The following EBF1 variants were observed in gnomAD, a reference collection of about 807,000 sequenced individuals.
The protein encoded by EBF1 is transcription factor COE1.
EBF1 carries 10 observed loss-of-function variants against 68.4 expected under a neutral mutation model. The ratio of observed to expected loss-of-function variants is 0.15; its 90% confidence interval spans 0.09 to 0.25. The LOEUF (loss-of-function observed/expected upper bound fraction) is 0.25. Ranked by LOEUF, EBF1 falls within the 10% of genes least tolerant of loss-of-function variation. EBF1 has a pLI of 1.00. For synonymous variants in EBF1, 298 were observed against 299.8 expected (o/e 0.99, Z 0.06); for missense variants, 509 against 794.4 (o/e 0.64, Z 4.32).
chr5:158,989,973 GA>G (rs1284840119), intron 6 of EBF1, among the ~76,000 whole-genome samples: 6 of 152,114 alleles, frequency 3.9e-5, no homozygotes, highest in African/African-American at 1.4e-4. Flanking sequence ...ATACAAGATG[GA>G]AAATGATGAG....
intron 6 of EBF1, among the ~76,000 whole-genome samples, chr5:159,002,652 T>C (rs1472944929): frequency 6.6e-6 from 1 of 152,356 alleles, no homozygotes; most frequent in South Asian, 2.1e-4. Context: ...AGTTCAAGGC[T>C]GACATAGTTT....
intron 9 of EBF1, among the ~76,000 whole-genome samples, chr5:158,778,557 G>A (rs56286460): frequency 0.095 from 14,467 of 152,116 alleles, 852 homozygotes; most frequent in African/African-American, 0.15. Context: ...AACTTAGAAA[G>A]GGCTCTTATA....
intron 6 of EBF1, among the ~76,000 whole-genome samples, chr5:158,891,347 G>A (rs998717226): frequency 6.6e-6 from 1 of 152,160 alleles, no homozygotes; most frequent in Non-Finnish European, 1.5e-5. Context: ...TGTAACTGTA[G>A]GAAGAAGCTC....
intron 6 of EBF1, among the ~76,000 whole-genome samples, chr5:159,051,457 G>A (rs1167627366): frequency 3.1e-5 from 3 of 97,214 alleles, no homozygotes; most frequent in East Asian, 3.5e-4. Context: ...CCCGCCGCCC[G>A]GCGGCTGACG....
intron 9 of EBF1, among the ~76,000 whole-genome samples, chr5:158,792,133 T>C (rs1302846659): frequency 6.6e-6 from 1 of 152,210 alleles, no homozygotes; most frequent in Non-Finnish European, 1.5e-5. Flanking sequence ...CTAGTTTTCC[T>C]AGATTTGTAT....
chr5:158,827,140 T>A (rs1241999359), intron 7 of EBF1, among the ~76,000 whole-genome samples: 1 of 152,134 alleles, frequency 6.6e-6, no homozygotes, highest in Non-Finnish European at 1.5e-5. Context: ...GTAGCAGTAA[T>A]AGAGTAGTAG....
chr5:158,799,470 A>G (rs1780194341), intron 8 of EBF1, among the ~76,000 whole-genome samples: 1 of 152,180 alleles, frequency 6.6e-6, no homozygotes, highest in African/African-American at 2.4e-5. Flanking sequence ...CTAAGTATCC[A>G]ACAATGCATG....
chr5:159,025,951 G>A (rs1370299177), intron 6 of EBF1, among the ~76,000 whole-genome samples: 1 of 152,178 alleles, frequency 6.6e-6, no homozygotes, highest in Non-Finnish European at 1.5e-5. Context: ...GCATCTATTT[G>A]GGGATATGTT....
intron 9 of EBF1, among the ~76,000 whole-genome samples, chr5:158,781,864 C>T (rs536974579): frequency 1.6e-4 from 25 of 152,256 alleles, no homozygotes; most frequent in Non-Finnish European, 3.2e-4. Flanking sequence ...TTATCTTCTT[C>T]AAATACAATC....
chr5:159,041,589 T>G (rs1771212550), intron 6 of EBF1, among the ~76,000 whole-genome samples: 1 of 152,202 alleles, frequency 6.6e-6, no homozygotes, highest in Admixed American at 6.5e-5. Context: ...GTAGAAAATA[T>G]TTTTTAAAAG....
Position 158,864,303 on chromosome 5 carries a change from C to T in EBF1, c.555-24193G>A, listed in dbSNP as rs116505159. Among the ~76,000 whole-genome samples, 1,010 of 151,500 alleles carry T rather than the reference C, an allele frequency of 6.7e-3. 10 individuals carry two copies. Among genetic ancestry groups the T allele is most frequent in the African/African-American group, 0.023 (936 of 41,238 alleles). ...AGAGAGTACTGGCTTTTAAACTAAC[C>T]GAGATCTGACACTGGATTTACTTAA... On this transcript the variant is annotated intron_variant, in intron 6 of 15. Transcript: ENST00000313708.
rs528953510 is a variant in EBF1 at position 159,078,144 on chromosome 5, C to G, written c.486-4680G>C. The stretch of plus-strand genomic sequence containing the variant: ...TTGTAGACTGAGCTGATATCAAGCC[C>G]CCTGTGGCTTCCTAGAGCCGAGCAG... On this transcript the variant is annotated intron_variant, in intron 5 of 15. Coordinates refer to ENST00000313708, the MANE Select transcript of EBF1 (RefSeq NM_024007.5). 9.4e-4 allele frequency among the ~76,000 whole-genome samples: 143 copies of G among 152,112 alleles called. 1 individual carries two copies. Among genetic ancestry groups the G allele is most frequent in the Non-Finnish European group, 1.7e-3 (117 of 68,026 alleles).
intron 6 of EBF1, among the ~76,000 whole-genome samples, chr5:158,999,563 A>G (rs1762114063): frequency 6.6e-6 from 1 of 152,200 alleles, no homozygotes; most frequent in African/African-American, 2.4e-5. Flanking sequence ...TTTTAAATCT[A>G]TTCCAAGTGG....
intron 6 of EBF1, among the ~76,000 whole-genome samples, chr5:158,860,594 A>G (rs1465604012): frequency 6.6e-6 from 1 of 152,126 alleles, no homozygotes; most frequent in Non-Finnish European, 1.5e-5. Flanking sequence ...AGTGCCACTG[A>G]GCCCTTTTCA....
intron 14 of EBF1, among the ~76,000 whole-genome samples, chr5:158,710,920 A>G (rs116733448): frequency 1.8e-3 from 281 of 152,352 alleles, no homozygotes; most frequent in African/African-American, 6.5e-3. Context: ...GCAATGTCCA[A>G]GATGAACTTC....
At chr5:158,870,886 G>A (rs1207093734) in intron 6 of EBF1, among the ~76,000 whole-genome samples, 1 of 152,172 alleles carries the variant, frequency 6.6e-6, no homozygotes, top group Non-Finnish European at 1.5e-5. Flanking sequence ...TAGTCTGATA[G>A]AGAGAAGTCT....
rs80242518 is a variant in EBF1 at position 158,848,172 on chromosome 5, G to A, written c.555-8062C>T. Among the ~76,000 whole-genome samples, 6,265 of 152,186 alleles carry A rather than the reference G, an allele frequency of 0.041. 692 individuals carry two copies. The East Asian group carries it at 0.43, about 10-fold the overall frequency. On this transcript the variant is annotated intron_variant, in intron 6 of 15. Transcript: ENST00000313708. ...CATTTTACAGATAATGCTACCAAGA[G>A]GTAAGGTAATTTGCCCAAGGTTTCC...
At position 159,097,127 on chromosome 5, in the gene EBF1, C is replaced by A; in HGVS notation, c.138G>T (p.Gly46=). ...CAAAGTGAGCCCGGGCCAGACCCAC[C>A]CCGCTGCGGCCAAAGACGCAGAGTT... The part of the protein sequence containing the change: ...VLDANTAAQS[G]VGLARAHFEK... The change falls in exon 2 of 16, where the codon GGG becomes GGT. Residue 46 remains glycine, a synonymous_variant. Transcript: ENST00000313708. The A allele has an allele frequency of 6.2e-7, 1 of 1,613,380 alleles. No individual in the cohort carries two copies. Among genetic ancestry groups the A allele is most frequent in the Non-Finnish European group, 8.5e-7 (1 of 1,179,782 alleles).
At chr5:158,775,771 CACATGCACACAG>C (rs1464841933) in intron 10 of EBF1, among the ~76,000 whole-genome samples, 6 of 130,624 alleles carry the variant, frequency 4.6e-5, no homozygotes, top group African/African-American at 6.2e-5. Flanking sequence ...CACACACACA[CACATGCACACAG>C]ACACACACAC....
Sources: gnomAD v4.1 joint callset for allele counts (sites outside exome capture counted in the v4.1 genomes callset) on GRCh38, gnomAD v4.1.1 for gene constraint, MANE v1.5 for transcripts, NCBI Gene and HGNC (gene_info 2026-07-23, HGNC 2026-07-21) for gene names.